Variants in ADAMTS19 observed in about 807,000 individuals in gnomAD.
ADAMTS19 encodes the protein ADAM metallopeptidase with thrombospondin type 1 motif 19, also known as A disintegrin and metalloproteinase with thrombospondin motifs 19.
Under a neutral mutation model 153.3 loss-of-function variants are expected in ADAMTS19, and 93 were observed. The observed-to-expected ratio is 0.61, with a 90% CI of 0.51 to 0.72. The LOEUF (loss-of-function observed/expected upper bound fraction) is 0.72. Ranked by LOEUF, ADAMTS19 falls within the 30% of genes least tolerant of loss-of-function variation. The pLI is 0.00. For synonymous variants in ADAMTS19, 600 were observed against 556.6 expected, an observed-to-expected ratio of 1.08 and a Z score of -1.10; for missense variants, 1,482 against 1,552.1, an observed-to-expected ratio of 0.95 and a Z score of 0.76.
At chr5:129,604,708 G>C (rs1431826490) in intron 8 of ADAMTS19, among the ~76,000 whole-genome samples, 1 of 152,164 alleles carries the variant, frequency 6.6e-6, no homozygotes, top group Non-Finnish European at 1.5e-5. Context: ...AACAGATGCT[G>C]TATGCATATT....
At chr5:129,589,681 A>T (rs1475475453) in intron 7 of ADAMTS19, among the ~76,000 whole-genome samples, 2 of 152,072 alleles carry the variant, frequency 1.3e-5, no homozygotes, top group Non-Finnish European at 2.9e-5. Context: ...CTTTATGTTA[A>T]AAAAGTATTT....
At chr5:129,672,696 G>A (rs1364427294) in intron 16 of ADAMTS19, among the ~76,000 whole-genome samples, 2 of 152,020 alleles carry the variant, frequency 1.3e-5, no homozygotes, top group Non-Finnish European at 2.9e-5. Flanking sequence ...GAATTTATAA[G>A]GCAAATCAAA....
At chr5:129,526,528 A>G (rs1453092641) in intron 4 of ADAMTS19, 72 bp downstream of exon 4, 3 of 1,408,654 alleles carry the variant, frequency 2.1e-6, no homozygotes, top group Non-Finnish European at 2.9e-6. Context: ...GAGTATTTAT[A>G]ATGAAATTCT....
intron 2 of ADAMTS19, among the ~76,000 whole-genome samples, chr5:129,480,544 TA>T (rs1228837395): frequency 2.0e-5 from 3 of 152,162 alleles, no homozygotes; most frequent in Admixed American, 2.0e-4. Context: ...CTATCTTCAT[TA>T]ATAAGAAGGC....
At chr5:129,728,115 G>T (rs1038498459) in intron 21 of ADAMTS19, among the ~76,000 whole-genome samples, 5 of 152,186 alleles carry the variant, frequency 3.3e-5, no homozygotes, top group Admixed American at 1.3e-4. Context: ...GCATTAGCAT[G>T]CTAAAAGACA....
rs531952879 is a variant in ADAMTS19, at chr5:129,726,463, C to T, written c.3313-8469C>T. ...TATAGTGTGTCTTGTTTCAAATATA[C>T]ATTAAATTACTTGATACACATGTGA... On this transcript the variant is annotated intron_variant, in intron 21 of 22. Coordinates refer to ENST00000274487, the MANE Select transcript of ADAMTS19 (RefSeq NM_133638.6). Among the ~76,000 whole-genome samples the T allele has an allele frequency of 3.4e-4, 52 of 152,098 alleles. No individual in the cohort carries two copies. The South Asian group carries it at 8.3e-3, about 24-fold the overall frequency.
At chr5:129,625,661 A>G (rs1028954379) in intron 10 of ADAMTS19, among the ~76,000 whole-genome samples, 4 of 152,150 alleles carry the variant, frequency 2.6e-5, no homozygotes, top group Admixed American at 6.5e-5. Context: ...GTGTCTGGTC[A>G]TATCCTTTGC....
chr5:129,461,479 TC>T lies in ADAMTS19; in HGVS notation c.473del (p.Pro158ArgfsTer92). ...GCCGCCTCCCCCGCAGCCGCCCCCG[TC>T]CCCGCCCCCGGCCCAGCATGCCGAG... ...QPPPPPQPPP[S>X]PPPAQHAEPD... On this transcript the variant is annotated frameshift_variant, in exon 2 of 23. Transcript: ENST00000274487. LOFTEE classifies it high-confidence loss of function. This position sits in a 1 kb window ranked among gnomAD's most constrained non-coding sequence, Gnocchi z 4.6. The T allele has an allele frequency of 6.8e-7, 1 of 1,477,788 alleles. No homozygotes were observed. The highest frequency in any genetic ancestry group is 2.4e-5 in the Admixed American group (1 of 41,928). The allele number at this position is 1,477,788 out of a possible 1,614,324, so 91.5% of individuals were successfully genotyped here. A position where few individuals can be genotyped will look rare whatever the true frequency, so the allele number is the denominator to read the frequency against.
chr5:129,681,862 A>C (rs570616775), intron 17 of ADAMTS19, among the ~76,000 whole-genome samples: 1 of 152,326 alleles, frequency 6.6e-6, no homozygotes, highest in South Asian at 2.1e-4. Flanking sequence ...AAAATGAAGA[A>C]ACAAATGTTA....
chr5:129,702,941 A>AAAAAAAAAAAAAAAAT, intron 20 of ADAMTS19, among the ~76,000 whole-genome samples: 1 of 29,306 alleles, frequency 3.4e-5, no homozygotes, highest in African/African-American at 8.5e-5. Flanking sequence ...AAAAAAAAAA[A>AAAAAAAAAAAAAAAAT]ATATATATAT....
At chr5:129,614,225 C>G (rs1353228746) in intron 8 of ADAMTS19, among the ~76,000 whole-genome samples, 2 of 152,142 alleles carry the variant, frequency 1.3e-5, no homozygotes, top group Non-Finnish European at 2.9e-5. Flanking sequence ...CTGGCAGAGA[C>G]ACACAAAAAA....
chr5:129,648,504 G>A (rs1753167252), intron 12 of ADAMTS19, among the ~76,000 whole-genome samples: 1 of 152,046 alleles, frequency 6.6e-6, no homozygotes, highest in African/African-American at 2.4e-5. Flanking sequence ...GGCATTTGAA[G>A]GCTTTCTATT....
At chr5:129,721,871 C>T (rs185562097) in intron 21 of ADAMTS19, among the ~76,000 whole-genome samples, 2 of 152,212 alleles carry the variant, frequency 1.3e-5, no homozygotes, top group Admixed American at 6.5e-5. Context: ...TCTTTCCCTG[C>T]GTTAGTTTGC....
intron 8 of ADAMTS19, among the ~76,000 whole-genome samples, chr5:129,597,600 G>A (rs920229108): frequency 1.3e-5 from 2 of 152,116 alleles, no homozygotes; most frequent in East Asian, 3.9e-4. Flanking sequence ...CATATTTTTA[G>A]GAAGTTTATT....
intron 21 of ADAMTS19, among the ~76,000 whole-genome samples, chr5:129,725,800 C>A (rs1757185060): frequency 6.6e-6 from 1 of 151,998 alleles, no homozygotes; most frequent in Non-Finnish European, 1.5e-5. Context: ...AGGTTTACTT[C>A]TAGAATGCTC....
intron 2 of ADAMTS19, among the ~76,000 whole-genome samples, chr5:129,479,811 TAAGGA>T (rs1349490187): frequency 6.6e-6 from 1 of 152,082 alleles, no homozygotes; most frequent in African/African-American, 2.4e-5. Context: ...TGACAGAGAT[TAAGGA>T]ATATCTACAT....
At chr5:129,675,147 G>A (rs952982276) in intron 16 of ADAMTS19, among the ~76,000 whole-genome samples, 1 of 152,128 alleles carries the variant, frequency 6.6e-6, no homozygotes, top group Non-Finnish European at 1.5e-5. Flanking sequence ...GTTTTAACGT[G>A]CTTTTTTCTC....
chr5:129,729,448 A>G (rs1178362192), intron 21 of ADAMTS19, among the ~76,000 whole-genome samples: 1 of 151,948 alleles, frequency 6.6e-6, no homozygotes, highest in African/African-American at 2.4e-5. Flanking sequence ...AATACTTACT[A>G]GTAAGAACTT....
chr5:129,543,808 C>G (rs1752750331), intron 6 of ADAMTS19, among the ~76,000 whole-genome samples: 1 of 152,138 alleles, frequency 6.6e-6, no homozygotes, highest in Non-Finnish European at 1.5e-5. Flanking sequence ...AATAATACAT[C>G]TTCCACTGAT....
Sources: gnomAD v4.1 joint callset for allele counts (sites outside exome capture counted in the v4.1 genomes callset) on GRCh38, gnomAD v4.1.1 for gene constraint, Gnocchi (gnomAD v3.1) non-coding constraint, MANE v1.5 for transcripts, NCBI Gene and HGNC (gene_info 2026-07-23, HGNC 2026-07-21) for gene names.